Variants in CACNA1H observed in about 807,000 individuals in gnomAD.
CACNA1H encodes calcium voltage-gated channel subunit alpha1 H.
Under a neutral mutation model 192.5 loss-of-function variants are expected in CACNA1H, and 149 were observed. The ratio of observed to expected loss-of-function variants is 0.77; its 90% confidence interval spans 0.68 to 0.89. The LOEUF is 0.89. Ranked by LOEUF, CACNA1H falls within the 40% of genes least tolerant of loss-of-function variation. The pLI, the probability that CACNA1H is intolerant of heterozygous loss-of-function variation, is 0.00. For synonymous variants in CACNA1H, 2,202 were observed against 1,475.2 expected (o/e 1.49, Z -11.29); for missense variants, 4,257 against 3,423.5 (o/e 1.24, Z -6.08).
At chr16:1,219,177 G>A (rs1479134142) in intron 34 of CACNA1H, 47 bp downstream of exon 34, 3 of 1,468,834 alleles carry the variant, frequency 2.0e-6, no homozygotes, top group South Asian at 1.4e-5. Context: ...GGGATGGGGG[G>A]CTTGCAGGGA....
At chr16:1,181,274 C>T (rs575350422) in intron 2 of CACNA1H, among the ~76,000 whole-genome samples, 47 of 152,360 alleles carry the variant, frequency 3.1e-4, no homozygotes, top group Admixed American at 7.2e-4. Flanking sequence ...GAGGAGCTCT[C>T]ACCCGGCATG....
At chr16:1,154,221 C>T (rs911627014) in intron 2 of CACNA1H, among the ~76,000 whole-genome samples, 185 bp downstream of exon 2, 12 of 150,424 alleles carry the variant, frequency 8.0e-5, no homozygotes, top group Non-Finnish European at 1.3e-4. Context: ...GAGTGGCGGG[C>T]TTGGGGGGCC....
chr16:1,201,586 G>C, intron 8 of CACNA1H, 77 bp from the exon 9 acceptor site: 1 of 1,468,846 alleles, frequency 6.8e-7, no homozygotes, highest in Non-Finnish European at 9.1e-7. Context: ...ACTCGAACAG[G>C]CAGCGCACAG....
At chr16:1,217,845 G>A (rs1422577903) in intron 31 of CACNA1H, 74 bp from the exon 32 acceptor site, 1 of 1,506,480 alleles carries the variant, frequency 6.6e-7, no homozygotes, top group Admixed American at 2.1e-5. Flanking sequence ...CAAGGGGCAT[G>A]TGGAGGCTGG....
intron 2 of CACNA1H, among the ~76,000 whole-genome samples, chr16:1,174,872 TGGCGGTGGGCAGGCAGGGGGCC>T (rs1964709752): frequency 6.6e-6 from 1 of 152,148 alleles, no homozygotes; most frequent in Admixed American, 6.5e-5. Flanking sequence ...TGCAGCCAGC[TGGCGGTGGGCAGGCAGGGGGCC>T]GGCGGGAGGC....
In CACNA1H at chr16:1,196,390, G is replaced by T. The variant is rs367566430; in HGVS notation, c.643+367G>T. 3.5e-3 allele frequency among the ~76,000 whole-genome samples: 539 copies of T among 152,318 alleles called. 3 individuals carry two copies. Among genetic ancestry groups the T allele is most frequent in the African/African-American group, 0.012 (509 of 41,570 alleles). On this transcript the variant is annotated intron_variant, in intron 5 of 34. Coordinates refer to ENST00000348261, the MANE Select transcript of CACNA1H (RefSeq NM_021098.3). ...TGTCTGGCGCATCCTGGTGTGGCTC[G>T]TGGTGGAGACACTCTTGTGGGTGTG...
rs762255902 is a variant in CACNA1H at position 1,220,484 on chromosome 16, G to A, written c.6552G>A (p.Lys2184=). 1.9e-6 allele frequency: 3 copies of A among 1,545,524 alleles called. No homozygotes were observed. Among genetic ancestry groups the A allele is most frequent in the African/African-American group, 2.8e-5 (2 of 71,930 alleles). The stretch of plus-strand genomic sequence containing the variant: ...AGCCCGCTCTGGGTGCGCGCAGAAA[G>A]AAGAAGATGAGCCCCCCCTGCATCT... The part of the protein sequence containing the change: ...EAEPALGARR[K]KKMSPPCISV... Residue 2184 remains lysine (K), a synonymous_variant, in exon 35 of 35, where the codon AAG becomes AAA. Coordinates refer to ENST00000348261, the MANE Select transcript of CACNA1H (RefSeq NM_021098.3).
chr16:1,182,857 A>G (rs1308363610), intron 2 of CACNA1H, among the ~76,000 whole-genome samples: 3 of 151,978 alleles, frequency 2.0e-5, no homozygotes, highest in African/African-American at 7.2e-5. Flanking sequence ...GATGGGGTGC[A>G]GGTGACCTCT....
At chr16:1,194,506 G>A (rs1485528911) in intron 2 of CACNA1H, among the ~76,000 whole-genome samples, 1 of 152,170 alleles carries the variant, frequency 6.6e-6, no homozygotes, top group Non-Finnish European at 1.5e-5. Context: ...CCTGTCCGGT[G>A]GGTTGCATGG....
intron 5 of CACNA1H, 25 bp downstream of exon 5, chr16:1,196,048 T>C: frequency 2.5e-6 from 4 of 1,583,362 alleles, no homozygotes; most frequent in Non-Finnish European, 3.5e-6. Flanking sequence ...CCGACTGGGC[T>C]TGAGATCAAC....
At position 1,210,825 on chromosome 16, in the gene CACNA1H, C is replaced by T. The variant is rs370259421; in HGVS notation, c.4077C>T (p.Tyr1359=). 3.1e-6 allele frequency: 5 copies of T among 1,603,766 alleles called. No individual in the cohort carries two copies. In the South Asian group the frequency reaches 3.3e-5, roughly 11 times the overall value. The change falls in exon 21 of 35, where the codon TAC becomes TAT. Residue 1359 remains tyrosine, a synonymous_variant. Coordinates refer to ENST00000348261, the MANE Select transcript of CACNA1H (RefSeq NM_021098.3). ...ALGLLSGEHA[Y]LQSSWNLLDG... Reference sequence around the variant, plus strand: ...GGCTGCTGTCCGGCGAGCACGCCTACCTGCAGAGCAGCTGGAACCTGCTGG... The same window carrying T: ...GGCTGCTGTCCGGCGAGCACGCCTATCTGCAGAGCAGCTGGAACCTGCTGG...
intron 5 of CACNA1H, among the ~76,000 whole-genome samples, chr16:1,196,557 C>T (rs995314541): frequency 6.6e-6 from 1 of 152,224 alleles, no homozygotes; most frequent in Non-Finnish European, 1.5e-5. Flanking sequence ...AGGATCCCCA[C>T]CTAAGGAAAG....
At chr16:1,186,911 G>C (rs972995216) in intron 2 of CACNA1H, among the ~76,000 whole-genome samples, 3 of 152,218 alleles carry the variant, frequency 2.0e-5, no homozygotes, top group Non-Finnish European at 4.4e-5. Flanking sequence ...CCGCGGTTCT[G>C]AGTGGGGGTG....
rs114906104 is a variant in CACNA1H, at chr16:1,199,959, C to T, written c.804-297C>T. On this transcript the variant is annotated intron_variant, in intron 6 of 34. Transcript: ENST00000348261. The stretch of plus-strand genomic sequence containing the variant: ...GCTGTTCTTTGTTGATTTCTCTGTC[C>T]ATCCCTGTTCTTTGTGTGTTTGTCT... Among the ~76,000 whole-genome samples the T allele has an allele frequency of 4.1e-3, 614 of 149,666 alleles. 9 individuals carry two copies. The highest frequency in any genetic ancestry group is 0.014 in the African/African-American group (580 of 41,346).
chr16:1,215,666 C>T, intron 30 of CACNA1H, 73 bp downstream of exon 30: 2 of 1,191,006 alleles, frequency 1.7e-6, no homozygotes, highest in East Asian at 2.5e-5. Flanking sequence ...TCGCCGTCCC[C>T]CTCTCCCCCT....
intron 14 of CACNA1H, 137 bp from the exon 15 acceptor site, chr16:1,207,633 C>A: frequency 2.1e-6 from 2 of 931,272 alleles, no homozygotes; most frequent in African/African-American, 1.6e-5. Context: ...ACCTACCTGC[C>A]CACCCTGGCA....
chr16:1,159,350 G>A (rs1857896485), intron 2 of CACNA1H, among the ~76,000 whole-genome samples: 1 of 152,170 alleles, frequency 6.6e-6, no homozygotes, highest in Admixed American at 6.5e-5. Flanking sequence ...GACCTGGATG[G>A]GGTGTGCCGA....
intron 2 of CACNA1H, among the ~76,000 whole-genome samples, chr16:1,182,724 T>C (rs1965598354): frequency 6.6e-6 from 1 of 152,044 alleles, no homozygotes; most frequent in Admixed American, 6.6e-5. Context: ...GAGGCCAGGG[T>C]TGAGGACCAG....
At chr16:1,157,126 A>G (rs888822799) in intron 2 of CACNA1H, 1 of 152,180 alleles carries the variant, frequency 6.6e-6, no homozygotes, top group Non-Finnish European at 1.5e-5. Context: ...CCGTCCCGGC[A>G]CACGGACGGG....
Sources: gnomAD v4.1 joint callset for allele counts (sites outside exome capture counted in the v4.1 genomes callset) on GRCh38, gnomAD v4.1.1 for gene constraint, MANE v1.5 for transcripts, NCBI Gene and HGNC (gene_info 2026-07-23, HGNC 2026-07-21) for gene names.